MTUS1: variants seen among roughly 807,000 people sequenced by gnomAD.
The protein encoded by MTUS1 is microtubule-associated tumor suppressor 1.
A neutral mutation model predicts 120.8 loss-of-function variants in MTUS1; 109 were observed. The observed-to-expected ratio is 0.90, with a 90% CI of 0.77 to 1.06. The LOEUF (loss-of-function observed/expected upper bound fraction) is 1.06. Among genes scored for constraint, MTUS1 ranks in the 50% least tolerant of loss-of-function variants. MTUS1 has a pLI of 0.00. For synonymous variants in MTUS1, 737 were observed against 550.5 expected, an observed-to-expected ratio of 1.34 and a Z score of -4.74; for missense variants, 2,210 against 1,486.3, an observed-to-expected ratio of 1.49 and a Z score of -8.01.
intron 6 of MTUS1, chr8:17,697,447 A>C: frequency 6.3e-7 from 1 of 1,585,630 alleles, no homozygotes; most frequent in South Asian, 1.2e-5. Flanking sequence ...CTGTCTTTTT[A>C]AACTCAGTAC....
chr8:17,758,401 C>T (rs1303192618), intron 1 of MTUS1, among the ~76,000 whole-genome samples: 5 of 152,130 alleles, frequency 3.3e-5, no homozygotes, highest in African/African-American at 7.2e-5. Flanking sequence ...ATGAAGGCTG[C>T]GTGATTTATA....
intron 1 of MTUS1, among the ~76,000 whole-genome samples, chr8:17,768,957 T>A (rs2049792280): frequency 6.6e-6 from 1 of 152,188 alleles, no homozygotes. Flanking sequence ...TGGTTACAAT[T>A]TAAATGGGCA....
At chr8:17,757,558 G>C (rs887474531) in intron 1 of MTUS1, among the ~76,000 whole-genome samples, 1 of 152,146 alleles carries the variant, frequency 6.6e-6, no homozygotes, top group Non-Finnish European at 1.5e-5. Flanking sequence ...ATGGAGTCTT[G>C]CTCTGCCACC....
intron 7 of MTUS1, among the ~76,000 whole-genome samples, chr8:17,682,467 C>A (rs1224584019): frequency 4.4e-5 from 6 of 137,338 alleles, no homozygotes; most frequent in African/African-American, 1.7e-4. Flanking sequence ...GCAGTGAGCC[C>A]AGATCACGCC....
chr8:17,716,571 T>G (rs188573452), intron 4 of MTUS1: 1 of 151,280 alleles, frequency 6.6e-6, no homozygotes, highest in Non-Finnish European at 1.5e-5. Flanking sequence ...TTTGTTTGTT[T>G]TGAGACGGAG....
intron 13 of MTUS1, among the ~76,000 whole-genome samples, chr8:17,648,260 G>C (rs1399643065): frequency 6.6e-6 from 1 of 152,094 alleles, no homozygotes; most frequent in Admixed American, 6.5e-5. Flanking sequence ...GGGAACAGTG[G>C]GTCTCCCTCT....
At chr8:17,661,939 G>C (rs930711770) in intron 8 of MTUS1, among the ~76,000 whole-genome samples, 5 of 152,168 alleles carry the variant, frequency 3.3e-5, no homozygotes, top group Non-Finnish European at 7.4e-5. Context: ...GGGCTGCGAA[G>C]GAAACATTTA....
At chr8:17,787,210 G>A (rs550178830) in intron 1 of MTUS1, among the ~76,000 whole-genome samples, 6 of 152,324 alleles carry the variant, frequency 3.9e-5, no homozygotes, top group Admixed American at 2.0e-4. Flanking sequence ...ATGAGGAACA[G>A]GCCACAGCCT....
chr8:17,681,044 C>T (rs1814371306), intron 7 of MTUS1, among the ~76,000 whole-genome samples: 1 of 152,054 alleles, frequency 6.6e-6, no homozygotes, highest in African/African-American at 2.4e-5. Context: ...AGTGATTCTT[C>T]TACCTTAGCC....
At chr8:17,741,934 G>A (rs1189134017) in intron 3 of MTUS1, among the ~76,000 whole-genome samples, 5 of 152,198 alleles carry the variant, frequency 3.3e-5, no homozygotes, top group Non-Finnish European at 7.3e-5. Flanking sequence ...GCGTATTGGG[G>A]CCAGAGTGGA....
intron 7 of MTUS1, among the ~76,000 whole-genome samples, chr8:17,679,498 TATTTATTTA>T (rs1563188323): frequency 1.0e-5 from 1 of 96,178 alleles, no homozygotes; most frequent in African/African-American, 3.1e-5. Flanking sequence ...TTTATTTATT[TATTTATTTA>T]TTTATTTATT....
chr8:17,770,878 T>C (rs1291141646), intron 1 of MTUS1, among the ~76,000 whole-genome samples: 2 of 152,242 alleles, frequency 1.3e-5, no homozygotes, highest in Non-Finnish European at 2.9e-5. Flanking sequence ...AGATCATCTC[T>C]GAAAACAGAA....
intron 3 of MTUS1, among the ~76,000 whole-genome samples, chr8:17,727,638 G>A (rs2046307971): frequency 6.6e-6 from 1 of 152,178 alleles, no homozygotes; most frequent in South Asian, 2.1e-4. Flanking sequence ...CTTAAACAGT[G>A]AAATCAATAC....
At chr8:17,748,966 T>C (rs997347112) in intron 2 of MTUS1, among the ~76,000 whole-genome samples, 2 of 152,116 alleles carry the variant, frequency 1.3e-5, no homozygotes, top group Non-Finnish European at 2.9e-5. Context: ...AAACTACAAT[T>C]TGCAATTCTC....
Position 17,648,302 on chromosome 8 carries a change from C to T in MTUS1, c.3502-1223G>A, listed in dbSNP as rs1270406442. On this transcript the variant is annotated intron_variant, in intron 13 of 14. Coordinates refer to ENST00000693296, the MANE Select transcript of MTUS1 (RefSeq NM_001363059.2). ...ATCAACTCATTCTTGCACACATACA[C>T]AATGCAAGGCTGAAGGATATTATCA... Among the ~76,000 whole-genome samples, 10 of 152,298 alleles carry T rather than the reference C, an allele frequency of 6.6e-5. 1 individual carries two copies. In the South Asian group the frequency reaches 1.9e-3, roughly 28 times the overall value.
intron 4 of MTUS1, among the ~76,000 whole-genome samples, chr8:17,719,398 C>G (rs2131073661): frequency 6.6e-6 from 1 of 152,308 alleles, no homozygotes; most frequent in African/African-American, 2.4e-5. Flanking sequence ...GAAATCTAAA[C>G]TTTTGAATTT....
At chr8:17,721,758 G>T (rs775116589) in intron 4 of MTUS1, 1 of 1,613,830 alleles carries the variant, frequency 6.2e-7, no homozygotes, top group African/African-American at 1.3e-5. Context: ...TACAAAGGCT[G>T]TACGATCCCA....
At chr8:17,673,858 G>C (rs947258263) in intron 8 of MTUS1, among the ~76,000 whole-genome samples, 1 of 152,138 alleles carries the variant, frequency 6.6e-6, no homozygotes, top group African/African-American at 2.4e-5. Flanking sequence ...TGGCAGTGTG[G>C]TCTTGTCCAA....
chr8:17,795,229 G>A (rs2052127876), intron 1 of MTUS1, among the ~76,000 whole-genome samples: 3 of 152,106 alleles, frequency 2.0e-5, no homozygotes, highest in South Asian at 2.1e-4. Flanking sequence ...TGTATGTTAC[G>A]CCTCTTCTTC....
Sources: gnomAD v4.1 joint callset for allele counts (sites outside exome capture counted in the v4.1 genomes callset) on GRCh38, gnomAD v4.1.1 for gene constraint, MANE v1.5 for transcripts, NCBI Gene and HGNC (gene_info 2026-07-23, HGNC 2026-07-21) for gene names.